The following GLIS3 variants were observed in gnomAD, a reference collection of about 807,000 sequenced individuals.
GLIS3 encodes zinc finger protein GLIS3.
In GLIS3, 53 loss-of-function variants were observed where a neutral mutation model predicts 78.6. The ratio of observed to expected loss-of-function variants is 0.67; its 90% confidence interval spans 0.54 to 0.85. The LOEUF (loss-of-function observed/expected upper bound fraction) is 0.85, where lower values mean the gene tolerates loss of function less well. GLIS3 is among the 40% of genes least tolerant of loss of function. The pLI is 0.00. For missense variants in GLIS3, 1,703 were observed against 1,231.1 expected, an observed-to-expected ratio of 1.38 and a Z score of -5.74; for synonymous variants, 684 against 509.9, an observed-to-expected ratio of 1.34 and a Z score of -4.60.
At chr9:4,022,369 C>G (rs1248167100) in intron 4 of GLIS3, among the ~76,000 whole-genome samples, 2 of 152,206 alleles carry the variant, frequency 1.3e-5, no homozygotes, top group East Asian at 3.8e-4. Flanking sequence ...TTTATAAAAG[C>G]ACATTTTCAG....
chr9:3,937,221 GA>G, intron 4 of GLIS3, 32 bp from the exon 5 acceptor site: 1 of 1,612,984 alleles, frequency 6.2e-7, no homozygotes, highest in Non-Finnish European at 8.5e-7. Context: ...TGGTGGTTGA[GA>G]AGGACCTTGA....
At chr9:3,851,976 C>G (rs1237239760) in intron 9 of GLIS3, among the ~76,000 whole-genome samples, 1 of 152,030 alleles carries the variant, frequency 6.6e-6, no homozygotes, top group South Asian at 2.1e-4. Flanking sequence ...AACCCCATCT[C>G]TACTAGAAAT....
intron 2 of GLIS3, among the ~76,000 whole-genome samples, chr9:4,321,582 CCCCA>C (rs1330775362): frequency 8.0e-6 from 1 of 124,980 alleles, no homozygotes; most frequent in Admixed American, 8.0e-5. Flanking sequence ...TTTCAGAACT[CCCCA>C]CCCACCCACC....
At chr9:4,107,361 G>T (rs1025010116) in intron 4 of GLIS3, among the ~76,000 whole-genome samples, 2 of 152,098 alleles carry the variant, frequency 1.3e-5, no homozygotes, top group Admixed American at 1.3e-4. Context: ...GTGACTGAGT[G>T]CTGCCGAATG....
chr9:4,100,064 G>C (rs1203704150), intron 4 of GLIS3, among the ~76,000 whole-genome samples: 1 of 152,182 alleles, frequency 6.6e-6, no homozygotes, highest in African/African-American at 2.4e-5. Flanking sequence ...ACATACTACA[G>C]AAGAATGTTT....
At chr9:4,418,854 G>A in the GLIS3 span, among the ~76,000 whole-genome samples, 12 of 152,180 alleles carry the variant, frequency 7.9e-5, no homozygotes, top group Admixed American at 4.6e-4. Flanking sequence ...ATTGTATGTA[G>A]GAGGAGCAAT....
chr9:4,356,284 G>C, the GLIS3 span, among the ~76,000 whole-genome samples: 12 of 152,170 alleles, frequency 7.9e-5, no homozygotes, highest in Non-Finnish European at 2.9e-5. Flanking sequence ...AGGAGGACTG[G>C]GGACTGGTAT....
the GLIS3 span, among the ~76,000 whole-genome samples, chr9:4,365,125 G>A: frequency 0.024 from 3,577 of 151,954 alleles, 153 homozygotes; most frequent in African/African-American, 0.083. Flanking sequence ...GATATTATCA[G>A]AAAACAGTAC....
the GLIS3 span, among the ~76,000 whole-genome samples, chr9:4,421,262 C>T: frequency 1.3e-5 from 2 of 152,186 alleles, no homozygotes; most frequent in Non-Finnish European, 2.9e-5. Flanking sequence ...TCTCTCGTCC[C>T]ACAGGACAGG....
At chr9:4,478,961 A>T in the GLIS3 span, among the ~76,000 whole-genome samples, 1 of 152,218 alleles carries the variant, frequency 6.6e-6, no homozygotes, top group Non-Finnish European at 1.5e-5. Context: ...AATATTGGGG[A>T]TAGAGAAAAA....
chr9:4,084,736 G>A (rs754134272), intron 4 of GLIS3, among the ~76,000 whole-genome samples: 3 of 152,076 alleles, frequency 2.0e-5, no homozygotes, highest in African/African-American at 7.2e-5. Context: ...TTCAAGCTCC[G>A]AGCTCTGGTG....
chr9:3,910,702 C>T (rs1408808739), intron 6 of GLIS3, among the ~76,000 whole-genome samples: 1 of 152,184 alleles, frequency 6.6e-6, no homozygotes, highest in Non-Finnish European at 1.5e-5. Context: ...GTTCAACTAC[C>T]ATGTGATACT....
the GLIS3 span, among the ~76,000 whole-genome samples, chr9:4,374,720 T>A: frequency 3.3e-5 from 5 of 151,976 alleles, no homozygotes; most frequent in African/African-American, 1.2e-4. Context: ...AATGATCACA[T>A]ACATAAAGCA....
intron 4 of GLIS3, among the ~76,000 whole-genome samples, chr9:3,989,861 T>C (rs1467012689): frequency 1.3e-5 from 2 of 150,818 alleles, no homozygotes; most frequent in Non-Finnish European, 3.0e-5. Flanking sequence ...GTATAGAACT[T>C]ACACACACAC....
At chr9:4,334,954 G>A (rs1371636872) in intron 2 of GLIS3, among the ~76,000 whole-genome samples, 10 of 141,956 alleles carry the variant, frequency 7.0e-5, no homozygotes, top group Admixed American at 5.8e-4. Flanking sequence ...TGTCACCCAG[G>A]CTGGAGTGCA....
At chr9:3,954,272 C>G (rs547032807) in intron 4 of GLIS3, among the ~76,000 whole-genome samples, 1 of 152,302 alleles carries the variant, frequency 6.6e-6, no homozygotes, top group Admixed American at 6.5e-5. Flanking sequence ...AACTGTAGAG[C>G]TGCAAATGTG....
At chr9:4,335,362 C>T (rs969991315) in intron 2 of GLIS3, among the ~76,000 whole-genome samples, 1 of 152,194 alleles carries the variant, frequency 6.6e-6, no homozygotes, top group Non-Finnish European at 1.5e-5. Flanking sequence ...TAATTGTAGA[C>T]AGCTAAACCA....
intron 2 of GLIS3, among the ~76,000 whole-genome samples, chr9:4,141,583 A>G (rs1176377970): frequency 1.3e-5 from 2 of 152,216 alleles, no homozygotes; most frequent in Non-Finnish European, 1.5e-5. Flanking sequence ...ACTGAGATTA[A>G]ATTTCCCACT....
the GLIS3 span, among the ~76,000 whole-genome samples, chr9:4,420,430 CT>C: frequency 6.6e-6 from 1 of 152,212 alleles, no homozygotes; most frequent in Non-Finnish European, 1.5e-5. Flanking sequence ...AGACAAGCAT[CT>C]TGAACCTCAA....
Sources: allele counts gnomAD v4.1 joint callset (sites outside exome capture counted in the v4.1 genomes callset), GRCh38; gene constraint gnomAD v4.1.1; transcripts MANE v1.5; gene names NCBI Gene and HGNC (gene_info 2026-07-23, HGNC 2026-07-21).